Variants in TAOK3 observed in about 807,000 individuals in gnomAD.
TAOK3 encodes TAO kinase 3.
In TAOK3, 40 loss-of-function variants were observed where a neutral mutation model predicts 120.4. The observed-to-expected ratio is 0.33, with a 90% confidence interval of 0.26 to 0.43. The LOEUF is 0.43. Among genes scored for constraint, TAOK3 ranks in the 20% least tolerant of loss-of-function variants. TAOK3 has a pLI of 1.00. For synonymous variants in TAOK3, 355 were observed against 387.5 expected (o/e 0.92, Z 0.99); for missense variants, 821 against 1,112.1 (o/e 0.74, Z 3.72).
chr12:118,157,214 G>A (rs998152665), intron 19 of TAOK3, among the ~76,000 whole-genome samples: 2 of 151,944 alleles, frequency 1.3e-5, no homozygotes, highest in African/African-American at 4.8e-5. Flanking sequence ...CATACCCCAG[G>A]TAAAAGTCAC....
chr12:118,269,344 A>G (rs1403183853), intron 1 of TAOK3, among the ~76,000 whole-genome samples: 2 of 148,362 alleles, frequency 1.3e-5, no homozygotes, highest in East Asian at 4.0e-4. Flanking sequence ...CTCTCTCTAA[A>G]TAGTTACATA....
chr12:118,298,158 A>T (rs2042750074), intron 1 of TAOK3, among the ~76,000 whole-genome samples: 1 of 152,216 alleles, frequency 6.6e-6, no homozygotes, highest in East Asian at 1.9e-4. Context: ...TTACTTTTGG[A>T]TGTTTATAGA....
At chr12:118,332,022 G>A (rs2044173020) in intron 1 of TAOK3, among the ~76,000 whole-genome samples, 1 of 152,158 alleles carries the variant, frequency 6.6e-6, no homozygotes, top group African/African-American at 2.4e-5. Context: ...GAGGGGTTTC[G>A]CCATATTGGC....
At chr12:118,276,261 A>C (rs550857446) in intron 1 of TAOK3, among the ~76,000 whole-genome samples, 1 of 152,184 alleles carries the variant, frequency 6.6e-6, no homozygotes, top group South Asian at 2.1e-4. Flanking sequence ...TAGAGGTAAT[A>C]AGAATTGGTT....
intron 1 of TAOK3, among the ~76,000 whole-genome samples, chr12:118,345,406 G>C (rs2044813435): frequency 6.6e-6 from 1 of 151,902 alleles, no homozygotes; most frequent in Admixed American, 6.6e-5. Flanking sequence ...AATGCAAAAC[G>C]AACAAAATAA....
At chr12:118,217,681 C>G (rs1319492424) in intron 9 of TAOK3, among the ~76,000 whole-genome samples, 2 of 148,868 alleles carry the variant, frequency 1.3e-5, no homozygotes, top group African/African-American at 5.0e-5. Flanking sequence ...GAGACTCCAT[C>G]TCAAAAATAA....
intron 1 of TAOK3, among the ~76,000 whole-genome samples, chr12:118,269,474 G>T (rs1416804061): frequency 6.9e-6 from 1 of 144,670 alleles, no homozygotes; most frequent in Admixed American, 7.2e-5. Context: ...GGGTTCAAGC[G>T]ATTCTCCTGC....
chr12:118,218,182 C>T (rs2039034583), intron 9 of TAOK3, among the ~76,000 whole-genome samples: 1 of 151,866 alleles, frequency 6.6e-6, no homozygotes, highest in Non-Finnish European at 1.5e-5. Context: ...ACTGGTATTA[C>T]AGTGATATGA....
intron 4 of TAOK3, among the ~76,000 whole-genome samples, chr12:118,244,534 T>TTC (rs1555229946): frequency 1.0e-5 from 1 of 96,758 alleles, no homozygotes; most frequent in Non-Finnish European, 2.2e-5. Flanking sequence ...TTTCTTTTTC[T>TTC]TTTTTTTTTT....
chr12:118,222,798 G>A (rs1303919417), intron 9 of TAOK3, among the ~76,000 whole-genome samples: 1 of 151,900 alleles, frequency 6.6e-6, no homozygotes, highest in Admixed American at 6.6e-5. Context: ...AGGGGGTGTG[G>A]GATAAAAGAC....
At chr12:118,211,590 C>T (rs865948362) in intron 11 of TAOK3, among the ~76,000 whole-genome samples, 2 of 146,912 alleles carry the variant, frequency 1.4e-5, no homozygotes, top group South Asian at 2.2e-4. Flanking sequence ...CTTTTAACAT[C>T]GCCCAAATTT....
At chr12:118,203,622 T>C (rs2038141049) in intron 11 of TAOK3, among the ~76,000 whole-genome samples, 1 of 150,842 alleles carries the variant, frequency 6.6e-6, no homozygotes. Context: ...CAGAATTGCT[T>C]GAACCTGGGA....
At chr12:118,251,155 T>G (rs924988427) in intron 3 of TAOK3, among the ~76,000 whole-genome samples, 1 of 152,138 alleles carries the variant, frequency 6.6e-6, no homozygotes, top group Admixed American at 6.5e-5. Context: ...CATCGAGGTA[T>G]GCACAACAGA....
chr12:118,152,262 T>C lies in TAOK3; in HGVS notation c.2500A>G (p.Arg834Gly). The change falls in exon 20 of 21, where the codon AGA (arginine) becomes GGA (glycine). Residue 834 changes from arginine to glycine, a missense_variant. Physicochemically the swap from Arg to Gly is moderately radical, Grantham distance 125. Transcript: ENST00000392533. ...AGGTGTGCTCTGCGCAGAGACACTC[T>C]CTGCTCTAGCTTCTGGAGCTCACGT... is the stretch of plus-strand genomic sequence containing the variant. ...HERELQKLEQ[R>G]VSLRRAHLEQ... 6.2e-7 allele frequency: 1 copy of C among 1,614,228 alleles called. No individual in the cohort carries two copies. The highest frequency in any genetic ancestry group is 1.1e-5 in the South Asian group (1 of 91,082).
At chr12:118,164,854 G>A (rs933344074) in intron 17 of TAOK3, among the ~76,000 whole-genome samples, 2 of 152,138 alleles carry the variant, frequency 1.3e-5, no homozygotes, top group Non-Finnish European at 2.9e-5. Context: ...GAAATATCTT[G>A]CACACTTGGG....
At chr12:118,230,269 C>A (rs2039704336) in intron 9 of TAOK3, among the ~76,000 whole-genome samples, 1 of 151,876 alleles carries the variant, frequency 6.6e-6, no homozygotes, top group Non-Finnish European at 1.5e-5. Flanking sequence ...TGTCTTATAC[C>A]AAAATCTGAC....
intron 11 of TAOK3, among the ~76,000 whole-genome samples, chr12:118,209,268 G>A (rs1471306651): frequency 6.6e-6 from 1 of 152,198 alleles, no homozygotes; most frequent in East Asian, 1.9e-4. Flanking sequence ...ATGGTTTGCT[G>A]TCATTTGTGC....
At chr12:118,219,970 C>T (rs377430373) in intron 9 of TAOK3, among the ~76,000 whole-genome samples, 1 of 150,196 alleles carries the variant, frequency 6.7e-6, no homozygotes, top group African/African-American at 2.5e-5. Flanking sequence ...AACCCTCCCC[C>T]CTTCCTTCCT....
At chr12:118,169,715 C>A (rs1382787262) in intron 17 of TAOK3, among the ~76,000 whole-genome samples, 1 of 151,928 alleles carries the variant, frequency 6.6e-6, no homozygotes, top group Non-Finnish European at 1.5e-5. Flanking sequence ...ATTCCATCAT[C>A]TTTTCTCTCA....
Sources: allele counts gnomAD v4.1 joint callset (sites outside exome capture counted in the v4.1 genomes callset), GRCh38; gene constraint gnomAD v4.1.1; transcripts MANE v1.5; gene names NCBI Gene and HGNC (gene_info 2026-07-23, HGNC 2026-07-21).